FAM135A: variants seen among roughly 807,000 people sequenced by gnomAD.
FAM135A encodes protein FAM135A.
In FAM135A, 79 loss-of-function variants were observed where a neutral mutation model predicts 146.8. The observed-to-expected ratio is 0.54, with a 90% CI of 0.45 to 0.65. The LOEUF (loss-of-function observed/expected upper bound fraction) is 0.65. FAM135A is among the 30% of genes least tolerant of loss of function. The probability of loss-of-function intolerance (pLI) is 0.00; values close to 1 mark genes in which losing one functional copy is unlikely to be tolerated. For synonymous variants in FAM135A, 562 were observed against 603.6 expected (o/e 0.93, Z 1.01); for missense variants, 1,623 against 1,758.2 (o/e 0.92, Z 1.38).
At chr6:70,547,191 A>G (rs1799008209) in intron 20 of FAM135A, among the ~76,000 whole-genome samples, 1 of 152,172 alleles carries the variant, frequency 6.6e-6, no homozygotes, top group African/African-American at 2.4e-5. Context: ...TGTGGCACAA[A>G]GGACTCTTTG....
At position 70,428,399 on chromosome 6, in the gene FAM135A, T is replaced by C; in HGVS notation, c.57T>C (p.Asn19=). Residue 19 remains asparagine (N), a synonymous_variant, in exon 4 of 22, where the codon AAT becomes AAC. Transcript: ENST00000418814. Reference sequence around the variant, plus strand: ...CTGTGGAGCTAAACAAGTTCTACAATGTGGATTTGTTTCAGAGAGGGTATG... The same window carrying C: ...CTGTGGAGCTAAACAAGTTCTACAACGTGGATTTGTTTCAGAGAGGGTATG... ...EFSVELNKFY[N]VDLFQRGFYQ... The C allele has an allele frequency of 1.2e-6, 2 of 1,603,778 alleles. No individual in the cohort carries two copies. The highest frequency in any genetic ancestry group is 1.7e-6 in the Non-Finnish European group (2 of 1,175,286).
intron 20 of FAM135A, among the ~76,000 whole-genome samples, chr6:70,554,599 C>G (rs1326680939): frequency 6.6e-6 from 1 of 152,052 alleles, no homozygotes; most frequent in African/African-American, 2.4e-5. Flanking sequence ...GGTCCAGGTA[C>G]AGGTTCATTT....
At chr6:70,516,409 G>C (rs1212594713) in intron 12 of FAM135A, among the ~76,000 whole-genome samples, 2 of 151,922 alleles carry the variant, frequency 1.3e-5, no homozygotes, top group African/African-American at 4.8e-5. Context: ...CTGCCATATG[G>C]ATTAGCAGGA....
At chr6:70,532,686 A>C (rs933417716) in intron 16 of FAM135A, among the ~76,000 whole-genome samples, 1 of 152,358 alleles carries the variant, frequency 6.6e-6, no homozygotes. Context: ...TAATCCCAGC[A>C]CTTTGGGAGG....
intron 11 of FAM135A, among the ~76,000 whole-genome samples, chr6:70,498,989 G>A (rs1787926985): frequency 6.6e-6 from 1 of 152,106 alleles, no homozygotes; most frequent in Non-Finnish European, 1.5e-5. Flanking sequence ...TGTCTATTAG[G>A]TCCACTTGAT....
intron 4 of FAM135A, among the ~76,000 whole-genome samples, chr6:70,451,193 A>G (rs1777017468): frequency 6.6e-6 from 1 of 152,230 alleles, no homozygotes; most frequent in East Asian, 1.9e-4. Flanking sequence ...TGTCAAACAC[A>G]TATTGAACAC....
intron 4 of FAM135A, among the ~76,000 whole-genome samples, chr6:70,439,674 C>G (rs1774011799): frequency 1.3e-5 from 2 of 152,130 alleles, no homozygotes; most frequent in East Asian, 1.9e-4. Context: ...TTCATTTGCT[C>G]TCCTATACTC....
At chr6:70,418,524 T>G (rs1768040850) in intron 2 of FAM135A, 1 of 152,194 alleles carries the variant, frequency 6.6e-6, no homozygotes, top group African/African-American at 2.4e-5. Context: ...GAGACAGGGT[T>G]TCGCTATGTT....
chr6:70,433,802 A>T (rs1361918366), intron 4 of FAM135A, among the ~76,000 whole-genome samples: 3 of 152,244 alleles, frequency 2.0e-5, no homozygotes, highest in Non-Finnish European at 4.4e-5. Flanking sequence ...AAGTTATTTT[A>T]AAAAATCTGT....
rs1770189912 is a variant in FAM135A, at chr6:70,426,538, A to T, written c.-40+6A>T. 6.6e-6 allele frequency: 1 copy of T among 152,222 alleles called. No individual in the cohort carries two copies. Among genetic ancestry groups the T allele is most frequent in the Non-Finnish European group, 1.5e-5 (1 of 68,044 alleles). 9.4% of individuals were successfully genotyped at this position (152,222 alleles called of 1,614,324 possible). On this transcript the variant is annotated splice_donor_region_variant and intron_variant, in intron 3 of 21. Transcript: ENST00000418814. The stretch of plus-strand genomic sequence containing the variant: ...TGAGGCTTTGAAAAGCAGAGGTAAG[A>T]ATATAACTTTTTTGCACTTAATTCT...
At chr6:70,526,819 A>G in intron 15 of FAM135A, 121 bp downstream of exon 15, 1 of 859,884 alleles carries the variant, frequency 1.2e-6, no homozygotes, top group South Asian at 2.3e-5. Context: ...ATATAAAATC[A>G]TAGATAGTGC....
chr6:70,480,963 C>G lies in FAM135A; in HGVS notation c.605C>G (p.Ser202Cys), dbSNP rs762102034. ...AATGCACCAGCACAAAACAAAGATT[C>G]CGTGATTCCTACTCTTGAAAGTGTG... ...NRNAPAQNKD[S>C]VIPTLESVVF... The change falls in exon 9 of 22, where the codon TCC (serine) becomes TGC (cysteine). Residue 202 changes from serine to cysteine, a missense_variant. By Grantham distance (112) the Ser-to-Cys change is moderately radical. This residue lies in a region of FAM135A where 206 missense variants were observed against 194.7 expected (regional missense o/e 1.06). Transcript: ENST00000418814. 8 of 1,612,550 alleles carry G rather than the reference C, an allele frequency of 5.0e-6. No individual in the cohort carries two copies. In the African/African-American group the frequency reaches 8.0e-5, roughly 16 times the overall value.
chr6:70,485,589 ATTAC>A (rs760198278), intron 10 of FAM135A, among the ~76,000 whole-genome samples: 4 of 152,316 alleles, frequency 2.6e-5, no homozygotes, highest in African/African-American at 4.8e-5. Context: ...ATTTCCTTCT[ATTAC>A]TTACCACTTT....
intron 4 of FAM135A, among the ~76,000 whole-genome samples, chr6:70,441,132 G>A (rs902186990): frequency 3.9e-5 from 6 of 152,068 alleles, no homozygotes; most frequent in African/African-American, 1.2e-4. Context: ...TGTGGCTCAC[G>A]TCTGTTACCC....
Position 70,533,815 on chromosome 6 carries a change from A to C in FAM135A, c.3926A>C (p.Gln1309Pro). ...MTDRLLDEII[Q>P]YIQIYSLTVS... ...GATCGTCTTTTGGATGAGATAATACAGTATATTCAGATATATAGTCTAACA... is the reference window on the plus strand; with the variant it reads ...GATCGTCTTTTGGATGAGATAATACCGTATATTCAGATATATAGTCTAACA... Residue 1309 changes from glutamine to proline, a missense_variant, in exon 18 of 22, where the codon CAG becomes CCG. Physicochemically the swap from Gln to Pro is moderately conservative, Grantham distance 76. This residue lies in a region of FAM135A where 1,061 missense variants were observed against 1,113.8 expected (regional missense o/e 0.95). Coordinates refer to ENST00000418814, the MANE Select transcript of FAM135A (RefSeq NM_001162529.3). The C allele has an allele frequency of 6.4e-7, 1 of 1,574,202 alleles. No homozygotes were observed. Among genetic ancestry groups the C allele is most frequent in the Non-Finnish European group, 8.6e-7 (1 of 1,163,710 alleles).
At chr6:70,458,833 T>A (rs1486233828) in intron 5 of FAM135A, among the ~76,000 whole-genome samples, 1 of 152,202 alleles carries the variant, frequency 6.6e-6, no homozygotes, top group Non-Finnish European at 1.5e-5. Context: ...TGCCAACTTA[T>A]TACAATCTTT....
At position 70,526,494 on chromosome 6, in the gene FAM135A, A is replaced by C; in HGVS notation, c.3410A>C (p.Tyr1137Ser). The C allele has an allele frequency of 6.2e-7, 1 of 1,613,616 alleles. No individual in the cohort carries two copies. The change falls in exon 15 of 22, where the codon TAT (tyrosine) becomes TCT (serine). Residue 1137 changes from tyrosine (Y) to serine (S), a missense_variant. By Grantham distance (144) the Tyr-to-Ser change is moderately radical. Transcript: ENST00000418814. ...LTKSEKINSDYLRDGINMPTV... is the reference protein window; with the variant it reads ...LTKSEKINSDSLRDGINMPTV... ...AAATCTGAAAAAATAAACAGTGACT[A>C]TCTGAGAGATGGTATAAACATGCCT... is the stretch of plus-strand genomic sequence containing the variant.
Position 70,470,381 on chromosome 6 carries a change from G to T in FAM135A, c.158-5029G>T, listed in dbSNP as rs528018014. Among the ~76,000 whole-genome samples, 3 of 152,070 alleles carry T rather than the reference G, an allele frequency of 2.0e-5. No individual in the cohort carries two copies. In the South Asian group the frequency reaches 6.2e-4, roughly 32 times the overall value. ...TTACTTCTTTTTTTTTGGAGATGGA[G>T]TTTCACCCTGTTGCCCAAGCTGGAG... On this transcript the variant is annotated intron_variant, in intron 5 of 21. Coordinates refer to ENST00000418814, the MANE Select transcript of FAM135A (RefSeq NM_001162529.3).
intron 5 of FAM135A, among the ~76,000 whole-genome samples, chr6:70,460,574 A>G (rs561350895): frequency 6.6e-6 from 1 of 152,330 alleles, no homozygotes. Flanking sequence ...TGACTATCCA[A>G]CATAAAGAAG....
Sources: allele counts gnomAD v4.1 joint callset (sites outside exome capture counted in the v4.1 genomes callset), GRCh38; gene constraint gnomAD v4.1.1; regional missense constraint gnomAD v4.1.1; transcripts MANE v1.5; gene names NCBI Gene and HGNC (gene_info 2026-07-23, HGNC 2026-07-21).